Variants in FAAH2 observed in about 807,000 individuals in gnomAD.
The protein encoded by FAAH2 is fatty-acid amide hydrolase 2.
A neutral mutation model predicts 36.9 loss-of-function variants in FAAH2; 60 were observed. The observed-to-expected ratio is 1.63, with a 90% CI of 1.32 to 2.02. The LOEUF (loss-of-function observed/expected upper bound fraction) is 2.02. Ranked by LOEUF, FAAH2 falls within the 30% of genes most tolerant of loss-of-function variation. The pLI, the probability that FAAH2 is intolerant of heterozygous loss-of-function variation, is 0.00. For synonymous variants in FAAH2, 214 were observed against 143.8 expected, an observed-to-expected ratio of 1.49 and a Z score of -3.49; for missense variants, 689 against 397.5, an observed-to-expected ratio of 1.73 and a Z score of -6.23.
the FAAH2 span, among the ~76,000 whole-genome samples, chrX:57,149,461 C>G: frequency 4.8e-3 from 531 of 111,462 alleles, no homozygotes; most frequent in Non-Finnish European, 7.6e-3. Context: ...TTCAGAGATT[C>G]AACTTCTTCC....
the FAAH2 span, among the ~76,000 whole-genome samples, chrX:57,177,498 CA>C: frequency 1.0e-4 from 10 of 96,258 alleles, no homozygotes; most frequent in East Asian, 9.7e-4. Context: ...TTTAAGATTT[CA>C]AAAAAAATTA....
chrX:57,183,610 C>T, the FAAH2 span, among the ~76,000 whole-genome samples: 2 of 111,235 alleles, frequency 1.8e-5, no homozygotes, highest in Non-Finnish European at 3.8e-5. Flanking sequence ...ATTTCATATG[C>T]CTGTCTTTAC....
At chrX:57,292,755 G>T (rs2052022484) in intron 2 of FAAH2, among the ~76,000 whole-genome samples, 175 bp downstream of exon 2, 1 of 111,561 alleles carries the variant, frequency 9.0e-6, no homozygotes. Context: ...GAGTGTTTAT[G>T]ATTATTTGTC....
chrX:57,418,052 C>G (rs1334514441), intron 7 of FAAH2, among the ~76,000 whole-genome samples: 1 of 111,304 alleles, frequency 9.0e-6, no homozygotes, highest in African/African-American at 3.3e-5. Context: ...CTTACTCAAG[C>G]CTTAGTAATT....
intron 7 of FAAH2, among the ~76,000 whole-genome samples, chrX:57,420,394 C>A (rs1425448817): frequency 1.8e-5 from 2 of 111,297 alleles, no homozygotes; most frequent in African/African-American, 3.3e-5. Flanking sequence ...CTTTTATTTC[C>A]TTGAGCAGTG....
At chrX:57,344,292 T>C (rs1185555952) in intron 5 of FAAH2, among the ~76,000 whole-genome samples, 1 of 111,109 alleles carries the variant, frequency 9.0e-6, no homozygotes, top group Non-Finnish European at 1.9e-5. Flanking sequence ...CAGCAGTATT[T>C]TGTTGTTCTT....
chrX:57,323,538 G>A (rs1420147558), intron 3 of FAAH2, among the ~76,000 whole-genome samples: 1 of 111,793 alleles, frequency 8.9e-6, no homozygotes, highest in Non-Finnish European at 1.9e-5. Flanking sequence ...ACTGGTGTGA[G>A]ATGGTTATCT....
the FAAH2 span, among the ~76,000 whole-genome samples, chrX:57,154,115 C>T: frequency 4.5e-3 from 500 of 110,954 alleles, 2 homozygotes; most frequent in Non-Finnish European, 7.4e-3. Flanking sequence ...CTTTGAGCTC[C>T]GAAGTTCCTT....
At chrX:57,478,275 C>A (rs1441783415) in intron 10 of FAAH2, among the ~76,000 whole-genome samples, 1 of 111,706 alleles carries the variant, frequency 9.0e-6, no homozygotes, top group Non-Finnish European at 1.9e-5. Flanking sequence ...TTTTTGGCTT[C>A]ATAAATGTCT....
chrX:57,265,742 T>A, the FAAH2 span, among the ~76,000 whole-genome samples: 5 of 111,827 alleles, frequency 4.5e-5, no homozygotes, highest in African/African-American at 1.3e-4. Context: ...ATCTTTGTTG[T>A]TTGGATAACT....
chrX:57,349,106 GTA>G (rs1196360828), intron 5 of FAAH2, among the ~76,000 whole-genome samples: 4 of 92,103 alleles, frequency 4.3e-5, no homozygotes, highest in African/African-American at 1.6e-4. Flanking sequence ...TATATATAAT[GTA>G]TATGTGTATA....
chrX:57,305,185 G>A (rs934430367), intron 2 of FAAH2, among the ~76,000 whole-genome samples: 1 of 110,211 alleles, frequency 9.1e-6, no homozygotes, highest in Admixed American at 9.8e-5. Context: ...TTTGTCTGCA[G>A]CCCAGACCTT....
At chrX:57,459,364 G>A (rs1020734001) in intron 10 of FAAH2, among the ~76,000 whole-genome samples, 2 of 112,263 alleles carry the variant, frequency 1.8e-5, no homozygotes, top group African/African-American at 6.5e-5. Flanking sequence ...TCTCCCTGGG[G>A]CAGAGCACCT....
the FAAH2 span, among the ~76,000 whole-genome samples, chrX:57,279,640 T>C: frequency 8.9e-6 from 1 of 111,902 alleles, no homozygotes; most frequent in Non-Finnish European, 1.9e-5. Context: ...AAAGCTTATT[T>C]ATCATAATCA....
At chrX:57,325,140 T>C (rs1408037184) in intron 3 of FAAH2, among the ~76,000 whole-genome samples, 1 of 112,220 alleles carries the variant, frequency 8.9e-6, no homozygotes, top group South Asian at 3.7e-4. Flanking sequence ...CTGGATTGCA[T>C]TTATTGATTT....
At chrX:57,313,157 C>T (rs984120708) in intron 3 of FAAH2, among the ~76,000 whole-genome samples, 1 of 12,377 alleles carries the variant, frequency 8.1e-5, no homozygotes, top group Non-Finnish European at 8.1e-3. Context: ...AGCTTGAATA[C>T]CGTTTTTTTC....
intron 3 of FAAH2, among the ~76,000 whole-genome samples, chrX:57,319,152 T>G (rs2052936261): frequency 9.0e-6 from 1 of 111,619 alleles, no homozygotes; most frequent in Non-Finnish European, 1.9e-5. Context: ...TTCAACATAG[T>G]ATTGGAAGTT....
At chrX:57,360,317 C>T (rs967033659) in intron 5 of FAAH2, among the ~76,000 whole-genome samples, 3 of 110,434 alleles carry the variant, frequency 2.7e-5, no homozygotes, top group African/African-American at 9.9e-5. Context: ...TACATTTGTC[C>T]GGTTGATGGT....
At chrX:57,334,490 C>T (rs999599931) in intron 4 of FAAH2, among the ~76,000 whole-genome samples, 3 of 107,165 alleles carry the variant, frequency 2.8e-5, no homozygotes, top group African/African-American at 6.8e-5. Flanking sequence ...AAAAAGAATA[C>T]AAACCAAAAA....
Sources: allele counts gnomAD v4.1 joint callset (sites outside exome capture counted in the v4.1 genomes callset), GRCh38; gene constraint gnomAD v4.1.1; transcripts MANE v1.5; gene names NCBI Gene and HGNC (gene_info 2026-07-23, HGNC 2026-07-21).